RALGPS2: variants seen among roughly 807,000 people sequenced by gnomAD.
RALGPS2 encodes Ral GEF with PH domain and SH3 binding motif 2, also known as ras-specific guanine nucleotide-releasing factor RalGPS2.
In RALGPS2, 43 loss-of-function variants were observed where a neutral mutation model predicts 86.8. The ratio of observed to expected loss-of-function variants is 0.50; its 90% CI spans 0.39 to 0.64. The LOEUF (loss-of-function observed/expected upper bound fraction) is 0.64, where lower values mean the gene tolerates loss of function less well. Ranked by LOEUF, RALGPS2 falls within the 30% of genes least tolerant of loss-of-function variation. The pLI is 0.00. For missense variants in RALGPS2, 536 were observed against 694.6 expected (o/e 0.77, Z 2.57); for synonymous variants, 243 against 231.3 (o/e 1.05, Z -0.46).
At chr1:178,839,422 A>G (rs1381974425) in intron 8 of RALGPS2, among the ~76,000 whole-genome samples, 1 of 152,216 alleles carries the variant, frequency 6.6e-6, no homozygotes, top group Non-Finnish European at 1.5e-5. Flanking sequence ...AAGCTTCATA[A>G]GTGAAGGAGA....
intron 1 of RALGPS2, among the ~76,000 whole-genome samples, chr1:178,755,940 G>C (rs115404163): frequency 6.6e-6 from 1 of 152,180 alleles, no homozygotes; most frequent in African/African-American, 2.4e-5. Context: ...AATGATTAGC[G>C]ATGTTGAACA....
At chr1:178,765,649 C>A (rs542787651) in intron 1 of RALGPS2, among the ~76,000 whole-genome samples, 5 of 152,144 alleles carry the variant, frequency 3.3e-5, no homozygotes, top group Non-Finnish European at 7.3e-5. Flanking sequence ...GCGGGAATTT[C>A]CTTTTCCTAA....
intron 1 of RALGPS2, among the ~76,000 whole-genome samples, chr1:178,752,499 C>T (rs1470009555): frequency 6.6e-6 from 1 of 151,978 alleles, no homozygotes; most frequent in African/African-American, 2.4e-5. Context: ...CTTCCTGCAG[C>T]TACTCCTACT....
At chr1:178,877,741 T>G (rs1659062489) in intron 9 of RALGPS2, 106 bp downstream of exon 9, 2 of 1,351,944 alleles carry the variant, frequency 1.5e-6, no homozygotes, top group Non-Finnish European at 2.0e-6. Flanking sequence ...CATCAATTTC[T>G]TATTTCCATT....
intron 7 of RALGPS2, among the ~76,000 whole-genome samples, chr1:178,828,426 G>T (rs572659641): frequency 6.6e-6 from 1 of 152,224 alleles, no homozygotes; most frequent in South Asian, 2.1e-4. Context: ...GTTATAACAC[G>T]GTGGTATTTG....
chr1:178,777,040 C>T (rs541453776), intron 2 of RALGPS2, among the ~76,000 whole-genome samples: 5 of 151,270 alleles, frequency 3.3e-5, no homozygotes, highest in African/African-American at 9.7e-5. Flanking sequence ...CATGCTGGTG[C>T]GCTGCACCCA....
At chr1:178,881,322 G>A (rs371893397) in intron 10 of RALGPS2, among the ~76,000 whole-genome samples, 2 of 152,160 alleles carry the variant, frequency 1.3e-5, no homozygotes. Flanking sequence ...TTAGTCTCAC[G>A]TGAAGGGTAA....
chr1:178,765,372 GT>G (rs1652451277), intron 1 of RALGPS2, among the ~76,000 whole-genome samples: 1 of 152,048 alleles, frequency 6.6e-6, no homozygotes, highest in Non-Finnish European at 1.5e-5. Flanking sequence ...GGCAGGTTCC[GT>G]GATGCCCCCA....
chr1:178,808,710 T>A (rs1420584375), intron 5 of RALGPS2, among the ~76,000 whole-genome samples: 1 of 152,168 alleles, frequency 6.6e-6, no homozygotes, highest in African/African-American at 2.4e-5. Context: ...AGGCTTTTTG[T>A]TTGCTTTTGC....
intron 1 of RALGPS2, among the ~76,000 whole-genome samples, chr1:178,751,112 G>A (rs900175648): frequency 6.6e-6 from 1 of 150,732 alleles, no homozygotes; most frequent in Non-Finnish European, 1.5e-5. Context: ...TATCTTCCAT[G>A]TTCACACACA....
At chr1:178,792,256 GA>G (rs1387068072) in intron 4 of RALGPS2, among the ~76,000 whole-genome samples, 4 of 152,002 alleles carry the variant, frequency 2.6e-5, no homozygotes, top group East Asian at 1.9e-4. Context: ...TAATTACATA[GA>G]AAAAAAGTTC....
intron 4 of RALGPS2, among the ~76,000 whole-genome samples, chr1:178,803,935 C>T (rs1285669784): frequency 1.3e-5 from 2 of 152,132 alleles, no homozygotes; most frequent in Admixed American, 1.3e-4. Flanking sequence ...GTCCTGTCTG[C>T]CTCCAGAGTA....
intron 4 of RALGPS2, among the ~76,000 whole-genome samples, chr1:178,788,217 A>C (rs916638857): frequency 6.6e-6 from 1 of 151,824 alleles, no homozygotes; most frequent in Non-Finnish European, 1.5e-5. Context: ...GTCACCTAGC[A>C]CTCTATACTT....
intron 7 of RALGPS2, among the ~76,000 whole-genome samples, chr1:178,823,681 G>T (rs1468374969): frequency 1.3e-5 from 2 of 152,176 alleles, no homozygotes; most frequent in Non-Finnish European, 2.9e-5. Flanking sequence ...GGTACCCGGT[G>T]GTAGGAGATG....
intron 5 of RALGPS2, among the ~76,000 whole-genome samples, chr1:178,810,652 A>G (rs1654934609): frequency 6.6e-6 from 1 of 152,026 alleles, no homozygotes; most frequent in African/African-American, 2.4e-5. Flanking sequence ...TTATATTTAC[A>G]TATATATTTG....
At chr1:178,817,215 C>G (rs976452595) in intron 6 of RALGPS2, among the ~76,000 whole-genome samples, 1 of 151,678 alleles carries the variant, frequency 6.6e-6, no homozygotes, top group African/African-American at 2.4e-5. Flanking sequence ...TGTGTTGGCG[C>G]ACTCCTGTAA....
intron 8 of RALGPS2, chr1:178,853,111 C>T: frequency 1.0e-6 from 1 of 985,360 alleles, no homozygotes; most frequent in Non-Finnish European, 1.2e-6. Flanking sequence ...TTATAAGCCA[C>T]ACATTGTCAT....
chr1:178,821,893 T>G (rs1655525072), intron 7 of RALGPS2, among the ~76,000 whole-genome samples, 189 bp downstream of exon 7: 1 of 152,176 alleles, frequency 6.6e-6, no homozygotes, highest in African/African-American at 2.4e-5. Flanking sequence ...ATAAGGTAAT[T>G]TTTGGGTACA....
At chr1:178,853,028 A>T in intron 8 of RALGPS2, 2 of 1,514,090 alleles carry the variant, frequency 1.3e-6, no homozygotes, top group Non-Finnish European at 1.8e-6. Flanking sequence ...GCAGTGTTAA[A>T]CATTCGATAG....
Sources: gnomAD v4.1 joint callset for allele counts (sites outside exome capture counted in the v4.1 genomes callset) on GRCh38, gnomAD v4.1.1 for gene constraint, MANE v1.5 for transcripts, NCBI Gene and HGNC (gene_info 2026-07-23, HGNC 2026-07-21) for gene names.